CCDC62: variants seen among roughly 807,000 people sequenced by gnomAD.
The protein encoded by CCDC62 is coiled-coil domain containing 62.
Under a neutral mutation model 80.8 loss-of-function variants are expected in CCDC62, and 72 were observed. The observed-to-expected ratio is 0.89, with a 90% CI of 0.74 to 1.08. CCDC62 has a LOEUF of 1.08. CCDC62 is among the 50% of genes least tolerant of loss of function. The pLI is 0.00. For missense variants in CCDC62, 704 were observed against 809.4 expected (o/e 0.87, Z 1.58); for synonymous variants, 286 against 296.5 (o/e 0.96, Z 0.36).
intron 2 of CCDC62, among the ~76,000 whole-genome samples, chr12:122,779,934 A>G (rs1388483056): frequency 7.7e-6 from 1 of 129,982 alleles, no homozygotes; most frequent in East Asian, 2.5e-4. Context: ...AAAAAAAAAG[A>G]TGCATGTAAA....
intron 4 of CCDC62, among the ~76,000 whole-genome samples, chr12:122,786,531 C>T (rs1402912465): frequency 1.3e-5 from 2 of 152,128 alleles, no homozygotes; most frequent in Admixed American, 6.6e-5. Flanking sequence ...ACGATACACA[C>T]TCTCCTGCTG....
chr12:122,789,594 G>A (rs2030473681), intron 5 of CCDC62, among the ~76,000 whole-genome samples: 1 of 152,064 alleles, frequency 6.6e-6, no homozygotes. Flanking sequence ...CACCATGCCT[G>A]GCTAATTTTT....
At chr12:122,786,221 C>G (rs574072812) in intron 4 of CCDC62, among the ~76,000 whole-genome samples, 4 of 152,282 alleles carry the variant, frequency 2.6e-5, no homozygotes, top group Admixed American at 2.6e-4. Context: ...CGTCTCAGCT[C>G]GCTGCAAGCT....
intron 11 of CCDC62, among the ~76,000 whole-genome samples, chr12:122,814,478 G>GTC (rs1428562600): frequency 2.0e-5 from 3 of 150,564 alleles, no homozygotes; most frequent in African/African-American, 7.3e-5. Flanking sequence ...TGATCATGAT[G>GTC]TCTCTCTAAC....
At chr12:122,776,867 C>T (rs998904457) in intron 1 of CCDC62, 1 of 152,314 alleles carries the variant, frequency 6.6e-6, no homozygotes, top group Non-Finnish European at 1.5e-5. Context: ...ACGATCTCGG[C>T]TCACTGCAAC....
chr12:122,787,124 C>G (rs992764756), intron 4 of CCDC62, among the ~76,000 whole-genome samples: 1 of 152,124 alleles, frequency 6.6e-6, no homozygotes, highest in Non-Finnish European at 1.5e-5. Context: ...CATTTCCCCA[C>G]CATTAAAACA....
Position 122,781,395 on chromosome 12 carries a change from A to G in CCDC62, c.396+65A>G, listed in dbSNP as rs1015276003. ...CCCTTTGTGTTTCAGTTATTGAAAA[A>G]TTAGATTTGACCGGGCACGGTGGCT... On this transcript the variant is annotated intron_variant, in intron 3 of 12. Transcript: ENST00000253079. 5.2e-6 allele frequency: 8 copies of G among 1,540,348 alleles called. No individual in the cohort carries two copies. The Admixed American group carries it at 5.4e-5, about 10-fold the overall frequency.
chr12:122,810,969 A>G (rs1227674669), intron 10 of CCDC62, among the ~76,000 whole-genome samples: 2 of 141,858 alleles, frequency 1.4e-5, no homozygotes, highest in African/African-American at 2.6e-5. Context: ...GAATTGAACA[A>G]TGAGAACACT....
intron 3 of CCDC62, among the ~76,000 whole-genome samples, chr12:122,784,152 AGCCT>A (rs1454695808): frequency 6.6e-6 from 1 of 152,150 alleles, no homozygotes; most frequent in East Asian, 1.9e-4. Context: ...TACAGTATAT[AGCCT>A]TTTCAGATTG....
intron 11 of CCDC62, 150 bp from the exon 12 acceptor site, chr12:122,823,216 C>T (rs2032484232): frequency 8.6e-6 from 5 of 579,048 alleles, no homozygotes; most frequent in South Asian, 7.0e-5. Flanking sequence ...CCACCCTGGC[C>T]TCCCAAAGTG....
At chr12:122,810,073 A>G (rs1175928880) in intron 10 of CCDC62, among the ~76,000 whole-genome samples, 4 of 152,046 alleles carry the variant, frequency 2.6e-5, no homozygotes, top group African/African-American at 4.8e-5. Flanking sequence ...ACCCTAGAAG[A>G]AAACCTAGGC....
rs34599465 is a variant in CCDC62, at chr12:122,811,210, C to CTTTTT, written c.1852-2046_1852-2042dup. ...AATAAATAAAAAGAAATTAAGTTTC[C>CTTTTT]TTTTTTTTTTTTTTTTTTCAGACGG... On this transcript the variant is annotated intron_variant, in intron 10 of 12. Coordinates refer to ENST00000253079, the MANE Select transcript of CCDC62 (RefSeq NM_201435.5). Among the ~76,000 whole-genome samples the CTTTTT allele has an allele frequency of 6.7e-5, 8 of 120,088 alleles. 1 individual carries two copies. Among genetic ancestry groups the CTTTTT allele is most frequent in the African/African-American group, 2.5e-4 (8 of 31,586 alleles). 78.8% of individuals were successfully genotyped at this position (120,088 alleles called of 152,430 possible).
intron 11 of CCDC62, among the ~76,000 whole-genome samples, chr12:122,815,679 C>T (rs536754378): frequency 2.6e-4 from 39 of 150,244 alleles, no homozygotes; most frequent in Non-Finnish European, 5.0e-4. Flanking sequence ...CATCTCCTGA[C>T]CTTGTGATCC....
chr12:122,783,952 T>C (rs2030044841), intron 3 of CCDC62, among the ~76,000 whole-genome samples: 1 of 152,224 alleles, frequency 6.6e-6, no homozygotes, highest in South Asian at 2.1e-4. Context: ...TTACATTCTA[T>C]GGGGTTTTGA....
At chr12:122,812,403 T>G (rs1311366441) in intron 10 of CCDC62, among the ~76,000 whole-genome samples, 5 of 140,690 alleles carry the variant, frequency 3.6e-5, no homozygotes, top group African/African-American at 1.3e-4. Context: ...GGTTACACTA[T>G]TGCACTCCAG....
intron 4 of CCDC62, among the ~76,000 whole-genome samples, chr12:122,786,802 T>C (rs529788386): frequency 7.9e-5 from 12 of 151,142 alleles, no homozygotes; most frequent in Admixed American, 1.3e-4. Flanking sequence ...CTACTAAAAA[T>C]ACAAAAAATT....
chr12:122,791,062 G>A (rs7311386), intron 5 of CCDC62, among the ~76,000 whole-genome samples: 20,624 of 152,164 alleles, frequency 0.14, 2,430 homozygotes, highest in African/African-American at 0.31. Flanking sequence ...TGTGGTAATG[G>A]ATTTGGATTT....
At chr12:122,782,060 C>T (rs1003254692) in intron 3 of CCDC62, among the ~76,000 whole-genome samples, 1 of 150,338 alleles carries the variant, frequency 6.7e-6, no homozygotes, top group African/African-American at 2.5e-5. Context: ...GTAAGCCAAG[C>T]ACAGTGGTGT....
intron 12 of CCDC62, 66 bp downstream of exon 12, chr12:122,823,525 C>T (rs905426783): frequency 1.8e-5 from 15 of 826,832 alleles, no homozygotes; most frequent in African/African-American, 1.7e-4. Context: ...TTGGGAACAT[C>T]GATAACGTTG....
Sources: allele counts gnomAD v4.1 joint callset (sites outside exome capture counted in the v4.1 genomes callset), GRCh38; gene constraint gnomAD v4.1.1; transcripts MANE v1.5; gene names NCBI Gene and HGNC (gene_info 2026-07-23, HGNC 2026-07-21).